FOXN3: variants seen among roughly 807,000 people sequenced by gnomAD.
FOXN3 encodes forkhead box protein N3.
FOXN3 carries 7 observed loss-of-function variants against 38.4 expected under a neutral mutation model. The ratio of observed to expected loss-of-function variants is 0.18; its 90% CI spans 0.10 to 0.34. The LOEUF (loss-of-function observed/expected upper bound fraction) is 0.34, where lower values mean the gene tolerates loss of function less well. FOXN3 is among the 10% of genes least tolerant of loss of function. The pLI is 1.00. For missense variants in FOXN3, 456 were observed against 613.4 expected (o/e 0.74, Z 2.71); for synonymous variants, 230 against 242.2 (o/e 0.95, Z 0.47).
At chr14:89,510,217 G>A (rs1280826202) in intron 1 of FOXN3, among the ~76,000 whole-genome samples, 2 of 152,192 alleles carry the variant, frequency 1.3e-5, no homozygotes, top group African/African-American at 4.8e-5. Context: ...AGGTCTCACT[G>A]CCAGTGAGAC....
chr14:89,226,853 C>T lies in FOXN3; in HGVS notation c.746-46047G>A, dbSNP rs146265053. On this transcript the variant is annotated intron_variant, in intron 4 of 5. Transcript: ENST00000557258. ...TCTGAAGACTGGAACTCTGTGGCCA[C>T]AAGCCAAGGAACTACCAAAACCTCA... Among the ~76,000 whole-genome samples, 289 of 152,306 alleles carry T rather than the reference C, an allele frequency of 1.9e-3. 2 individuals are homozygous for T. Among genetic ancestry groups the T allele is most frequent in the African/African-American group, 6.7e-3 (279 of 41,552 alleles).
At chr14:89,399,951 A>G (rs1462636334) in intron 2 of FOXN3, 1 of 152,202 alleles carries the variant, frequency 6.6e-6, no homozygotes, top group Non-Finnish European at 1.5e-5. Flanking sequence ...CTTTCCATCC[A>G]GGGACCAGAT....
At chr14:89,272,297 A>G (rs1368345856) in intron 4 of FOXN3, among the ~76,000 whole-genome samples, 5 of 151,786 alleles carry the variant, frequency 3.3e-5, no homozygotes, top group African/African-American at 1.2e-4. Flanking sequence ...TGGGTGACAG[A>G]GCGAAACTCT....
Position 89,336,137 on chromosome 14 carries a change from T to TACACACACACACAC in FOXN3, c.680+14521_680+14534dup, listed in dbSNP as rs34950734. ...TTTTGTCTAAAACAGAAGTGATCCT[T>TACACACACACACAC]ACACACACACACACACACACACACA... On this transcript the variant is annotated intron_variant, in intron 3 of 5. Coordinates refer to ENST00000557258, the MANE Select transcript of FOXN3 (RefSeq NM_005197.4). 5.5e-3 allele frequency among the ~76,000 whole-genome samples: 769 copies of TACACACACACACAC among 140,112 alleles called. 9 individuals carry two copies. The highest frequency in any genetic ancestry group is 0.019 in the African/African-American group (728 of 38,024). 91.9% of individuals were successfully genotyped at this position (140,112 alleles called of 152,430 possible).
chr14:89,392,637 CTTTTTTTTT>C (rs71130072), intron 2 of FOXN3, among the ~76,000 whole-genome samples: 52,454 of 119,946 alleles, frequency 0.44, 11,960 homozygotes, highest in Admixed American at 0.59. Flanking sequence ...TGTGTCTCGT[CTTTTTTTTT>C]TTTTTTTTTT....
chr14:89,270,423 A>G (rs2139903396), intron 4 of FOXN3, among the ~76,000 whole-genome samples: 1 of 152,376 alleles, frequency 6.6e-6, no homozygotes. Flanking sequence ...TTTATTGGAT[A>G]CCCAATCATC....
chr14:89,402,935 C>T (rs1891289190), intron 2 of FOXN3, among the ~76,000 whole-genome samples: 1 of 152,180 alleles, frequency 6.6e-6, no homozygotes, highest in Non-Finnish European at 1.5e-5. Flanking sequence ...ATTCCCACAC[C>T]CGAAGAATGC....
intron 1 of FOXN3, among the ~76,000 whole-genome samples, chr14:89,575,320 C>G (rs369032812): frequency 6.6e-5 from 10 of 152,076 alleles, no homozygotes; most frequent in African/African-American, 2.4e-4. Context: ...AGCACTTGAC[C>G]CTTGAGATTC....
chr14:89,280,709 C>G (rs897112754), intron 4 of FOXN3, among the ~76,000 whole-genome samples: 6 of 152,014 alleles, frequency 3.9e-5, no homozygotes, highest in African/African-American at 1.5e-4. Context: ...GACGGCGGGC[C>G]AAAGAAGCAG....
At chr14:89,615,124 T>C (rs1284402130) in intron 1 of FOXN3, among the ~76,000 whole-genome samples, 2 of 150,060 alleles carry the variant, frequency 1.3e-5, no homozygotes, top group African/African-American at 4.9e-5. Flanking sequence ...CGATTTTTTT[T>C]TTTTTTTTTT....
At position 89,261,542 on chromosome 14, in the gene FOXN3, C is replaced by G. The variant is rs143981117; in HGVS notation, c.745+19408G>C. On this transcript the variant is annotated intron_variant, in intron 4 of 5. Transcript: ENST00000557258. ...GCGGCAGTGACTCACGCCTGTAATC[C>G]CAGCACTTTGGGAGGCTGAGGTGGG... Among the ~76,000 whole-genome samples the G allele has an allele frequency of 1.6e-4, 24 of 152,228 alleles. No homozygotes were observed. The East Asian group carries it at 3.9e-3, about 24-fold the overall frequency.
At chr14:89,233,029 C>A (rs2139856674) in intron 4 of FOXN3, among the ~76,000 whole-genome samples, 1 of 152,336 alleles carries the variant, frequency 6.6e-6, no homozygotes, top group Non-Finnish European at 1.5e-5. Context: ...GCAAAATGAT[C>A]CCTCTCCATG....
chr14:89,379,470 G>A (rs1176851427), intron 2 of FOXN3, among the ~76,000 whole-genome samples: 1 of 152,060 alleles, frequency 6.6e-6, no homozygotes, highest in Non-Finnish European at 1.5e-5. Flanking sequence ...GCAGTAGACC[G>A]CTCCCCCGAC....
chr14:89,590,009 G>A (rs1372655013), intron 1 of FOXN3, among the ~76,000 whole-genome samples: 1 of 152,144 alleles, frequency 6.6e-6, no homozygotes. Context: ...ACTGATGCCG[G>A]GCAGGCCCCA....
chr14:89,429,799 T>C (rs1892118740), intron 1 of FOXN3, among the ~76,000 whole-genome samples: 2 of 152,202 alleles, frequency 1.3e-5, no homozygotes, highest in African/African-American at 2.4e-5. Flanking sequence ...AATGAGCTCA[T>C]TCATGCTGGC....
intron 5 of FOXN3, among the ~76,000 whole-genome samples, chr14:89,178,052 G>T (rs1308767027): frequency 1.3e-5 from 2 of 152,154 alleles, no homozygotes; most frequent in Non-Finnish European, 2.9e-5. Context: ...CTGTCACCCA[G>T]GCTGGAGTGC....
chr14:89,413,496 T>C (rs1891599769), intron 1 of FOXN3, among the ~76,000 whole-genome samples: 1 of 152,100 alleles, frequency 6.6e-6, no homozygotes, highest in East Asian at 1.9e-4. Flanking sequence ...TAGCCGGGCA[T>C]GGTGGCATGT....
intron 4 of FOXN3, among the ~76,000 whole-genome samples, chr14:89,216,786 T>A (rs569253500): frequency 2.2e-4 from 33 of 152,306 alleles, no homozygotes; most frequent in African/African-American, 6.7e-4. Flanking sequence ...AAGAAAACTG[T>A]TCCCACCCCT....
At chr14:89,501,653 A>T (rs368917344) in intron 1 of FOXN3, among the ~76,000 whole-genome samples, 3 of 152,226 alleles carry the variant, frequency 2.0e-5, no homozygotes, top group African/African-American at 7.2e-5. Context: ...AGCTGTCTGC[A>T]TAAAGCTCAG....
Sources: gnomAD v4.1 joint callset for allele counts (sites outside exome capture counted in the v4.1 genomes callset) on GRCh38, gnomAD v4.1.1 for gene constraint, MANE v1.5 for transcripts, NCBI Gene and HGNC (gene_info 2026-07-23, HGNC 2026-07-21) for gene names.